Variants in CORO2B observed in about 807,000 individuals in gnomAD.
CORO2B encodes coronin 2B.
A neutral mutation model predicts 58.8 loss-of-function variants in CORO2B; 26 were observed. The ratio of observed to expected loss-of-function variants is 0.44; its 90% CI spans 0.32 to 0.61. The LOEUF (loss-of-function observed/expected upper bound fraction) is 0.61, where lower values mean the gene tolerates loss of function less well. Ranked by LOEUF, CORO2B falls within the 20% of genes least tolerant of loss-of-function variation. The pLI, the probability that CORO2B is intolerant of heterozygous loss-of-function variation, is 0.04. For missense variants in CORO2B, 460 were observed against 645.1 expected (o/e 0.71, Z 3.11); for synonymous variants, 242 against 253.8 (o/e 0.95, Z 0.44).
At chr15:68,584,578 G>C (rs1284203855) in intron 1 of CORO2B, among the ~76,000 whole-genome samples, 1 of 152,214 alleles carries the variant, frequency 6.6e-6, no homozygotes, top group Non-Finnish European at 1.5e-5. Flanking sequence ...GCCTCCGCCA[G>C]GGCCAGGGCT....
the CORO2B span, among the ~76,000 whole-genome samples, chr15:68,525,508 C>A: frequency 6.6e-6 from 1 of 152,120 alleles, no homozygotes; most frequent in Admixed American, 6.5e-5. Context: ...CTTGACAGAG[C>A]CTTTTGCAGG....
intron 1 of CORO2B, among the ~76,000 whole-genome samples, chr15:68,590,425 T>C (rs1899675458): frequency 6.6e-6 from 1 of 151,986 alleles, no homozygotes; most frequent in Non-Finnish European, 1.5e-5. Flanking sequence ...TACCCCCACT[T>C]TTCAGAGGGG....
At chr15:68,628,952 C>T (rs1900754407) in intron 1 of CORO2B, among the ~76,000 whole-genome samples, 1 of 152,202 alleles carries the variant, frequency 6.6e-6, no homozygotes, top group African/African-American at 2.4e-5. Context: ...ACCACTGGGT[C>T]TCCTGGGACA....
chr15:68,612,715 A>G (rs1404898107), intron 1 of CORO2B, among the ~76,000 whole-genome samples: 2 of 152,220 alleles, frequency 1.3e-5, no homozygotes, highest in South Asian at 4.1e-4. Flanking sequence ...GTGACTTCAC[A>G]TGAAGAAACT....
chr15:68,695,091 G>A (rs765003321), intron 2 of CORO2B, 49 bp from the exon 3 acceptor site: 1 of 1,461,972 alleles, frequency 6.8e-7, no homozygotes, highest in South Asian at 1.1e-5. Context: ...GGCCACCCCA[G>A]GGCCATCAAA....
At chr15:68,581,059 C>G (rs1424148056) in intron 1 of CORO2B, among the ~76,000 whole-genome samples, 9 of 152,190 alleles carry the variant, frequency 5.9e-5, no homozygotes. Flanking sequence ...ATCCTGGCTA[C>G]TGGGGGACTT....
At chr15:68,548,134 G>A in the CORO2B span, among the ~76,000 whole-genome samples, 116,772 of 151,724 alleles carry the variant, frequency 0.77, 45,208 homozygotes, top group East Asian at 0.98. Flanking sequence ...TCATGCCACT[G>A]CACTCCAGCC....
At chr15:68,655,722 G>T (rs530360985) in intron 2 of CORO2B, among the ~76,000 whole-genome samples, 1 of 152,164 alleles carries the variant, frequency 6.6e-6, no homozygotes. Flanking sequence ...AGACCCAAAG[G>T]AATGTGTTGG....
At chr15:68,627,978 C>T (rs1431831321) in intron 1 of CORO2B, among the ~76,000 whole-genome samples, 2 of 152,124 alleles carry the variant, frequency 1.3e-5, no homozygotes. Context: ...CCTCCCTGCC[C>T]CCAAACTGGA....
Position 68,710,016 on chromosome 15 carries a change from A to T in CORO2B, c.334-716A>T, listed in dbSNP as rs1892877679. Among the ~76,000 whole-genome samples the T allele has an allele frequency of 6.6e-6, 1 of 152,228 alleles. No individual in the cohort carries two copies. The highest frequency in any genetic ancestry group is 2.4e-5 in the African/African-American group (1 of 41,464). On this transcript the variant is annotated intron_variant, in intron 3 of 11. Coordinates refer to ENST00000261861, the MANE Select transcript of CORO2B (RefSeq NM_006091.5). The surrounding 1 kb of genome is among the most constrained non-coding windows in gnomAD (Gnocchi z 4.1). ...TTCCAAGACTGCAGAGAAACAGCTC[A>T]GTCTCTCCCTGTCTGGGGCCACGTG...
At position 68,701,478 on chromosome 15, in the gene CORO2B, A is replaced by ATTTTTTTTTT. The variant is rs71145193; in HGVS notation, c.333+6238_333+6247dup. On this transcript the variant is annotated intron_variant, in intron 3 of 11. Coordinates refer to ENST00000261861, the MANE Select transcript of CORO2B (RefSeq NM_006091.5). ...AGGCGCCTGCAACCACGCCCGGCTA[A>ATTTTTTTTTT]TTTTTTTTTTTTTTTTTTTTTTTTT... 2.3e-3 allele frequency among the ~76,000 whole-genome samples: 88 copies of ATTTTTTTTTT among 38,834 alleles called. 15 individuals carry two copies. Among genetic ancestry groups the ATTTTTTTTTT allele is most frequent in the South Asian group, 3.1e-3 (2 of 638 alleles). 25.5% of individuals were successfully genotyped at this position (38,834 alleles called of 152,430 possible).
At chr15:68,677,359 T>C (rs1043565084) in intron 2 of CORO2B, among the ~76,000 whole-genome samples, 3 of 152,152 alleles carry the variant, frequency 2.0e-5, no homozygotes, top group Non-Finnish European at 2.9e-5. Flanking sequence ...GTACAGATGA[T>C]ACAGATGAGG....
At chr15:68,690,650 T>TC (rs1354438188) in intron 2 of CORO2B, among the ~76,000 whole-genome samples, 3 of 85,228 alleles carry the variant, frequency 3.5e-5, no homozygotes, top group Non-Finnish European at 5.2e-5. Context: ...AGCTTTCTTT[T>TC]TTTTTTTTTT....
chr15:68,703,941 C>T (rs1161919422), intron 3 of CORO2B, among the ~76,000 whole-genome samples: 1 of 151,728 alleles, frequency 6.6e-6, no homozygotes, highest in Non-Finnish European at 1.5e-5. Flanking sequence ...TGCCTGTAAT[C>T]CCAGCACTTT....
At chr15:68,527,846 A>C in the CORO2B span, among the ~76,000 whole-genome samples, 27 of 152,268 alleles carry the variant, frequency 1.8e-4, no homozygotes, top group Admixed American at 3.9e-4. Flanking sequence ...TAAATCTTAC[A>C]CATATTTTGT....
intron 1 of CORO2B, among the ~76,000 whole-genome samples, chr15:68,637,899 C>T (rs1901082213): frequency 6.6e-6 from 1 of 152,168 alleles, no homozygotes; most frequent in African/African-American, 2.4e-5. Context: ...CTCATGTCAT[C>T]ATCTAGAAAA....
the CORO2B span, among the ~76,000 whole-genome samples, chr15:68,560,999 A>G: frequency 2.0e-5 from 3 of 152,112 alleles, no homozygotes; most frequent in Non-Finnish European, 4.4e-5. Flanking sequence ...GGAATTTAGG[A>G]GGGGCCATAT....
chr15:68,551,236 G>A, the CORO2B span, among the ~76,000 whole-genome samples: 1 of 152,128 alleles, frequency 6.6e-6, no homozygotes. Context: ...ACGGAGCCAG[G>A]ATGCTCTCGG....
At chr15:68,605,430 C>T (rs1247690073) in intron 1 of CORO2B, among the ~76,000 whole-genome samples, 4 of 151,994 alleles carry the variant, frequency 2.6e-5, no homozygotes, top group African/African-American at 9.7e-5. Context: ...ACATTGGGAA[C>T]AAAATAAAGG....
Sources: gnomAD v4.1 joint callset for allele counts (sites outside exome capture counted in the v4.1 genomes callset) on GRCh38, gnomAD v4.1.1 for gene constraint, Gnocchi (gnomAD v3.1) non-coding constraint, MANE v1.5 for transcripts, NCBI Gene and HGNC (gene_info 2026-07-23, HGNC 2026-07-21) for gene names.